Variants in PAPPA2 observed in about 807,000 individuals in gnomAD.
PAPPA2 encodes pappalysin-2.
A neutral mutation model predicts 176.4 loss-of-function variants in PAPPA2; 86 were observed. The ratio of observed to expected loss-of-function variants is 0.49; its 90% CI spans 0.41 to 0.58. PAPPA2 has a LOEUF of 0.58. Among genes scored for constraint, PAPPA2 ranks in the 20% least tolerant of loss-of-function variants. The pLI, the probability that PAPPA2 is intolerant of heterozygous loss-of-function variation, is 0.00. For missense variants in PAPPA2, 2,073 were observed against 2,256.9 expected (o/e 0.92, Z 1.65); for synonymous variants, 809 against 852.2 (o/e 0.95, Z 0.88).
intron 3 of PAPPA2, among the ~76,000 whole-genome samples, chr1:176,668,151 G>C (rs1057410372): frequency 3.9e-5 from 6 of 152,178 alleles, no homozygotes; most frequent in Non-Finnish European, 7.4e-5. Context: ...CAATGGGGCA[G>C]AACAGCTTGA....
At chr1:176,536,547 G>C (rs903511481) in intron 1 of PAPPA2, among the ~76,000 whole-genome samples, 2 of 152,172 alleles carry the variant, frequency 1.3e-5, no homozygotes, top group African/African-American at 2.4e-5. Flanking sequence ...GCTGATCTAG[G>C]TTAGATTTGG....
chr1:176,731,655 ATG>A (rs778351283), intron 12 of PAPPA2, among the ~76,000 whole-genome samples: 110 of 151,524 alleles, frequency 7.3e-4, no homozygotes, highest in Middle Eastern at 7.0e-3. Flanking sequence ...ATATATACAT[ATG>A]TGTGTGTGTA....
intron 17 of PAPPA2, among the ~76,000 whole-genome samples, chr1:176,777,310 G>T (rs1433959648): frequency 6.6e-6 from 1 of 152,160 alleles, no homozygotes; most frequent in African/African-American, 2.4e-5. Context: ...CACTGTTAGA[G>T]TAATACTTGG....
chr1:176,703,994 T>G (rs201724268), intron 9 of PAPPA2, among the ~76,000 whole-genome samples: 1 of 147,338 alleles, frequency 6.8e-6, no homozygotes, highest in South Asian at 2.2e-4. Flanking sequence ...CTGGGGGGGG[T>G]GGGTGACCAC....
At chr1:176,467,450 T>C (rs142488911) in intron 1 of PAPPA2, among the ~76,000 whole-genome samples, 4 of 152,236 alleles carry the variant, frequency 2.6e-5, no homozygotes, top group Non-Finnish European at 4.4e-5. Context: ...TTGTGGGAGG[T>C]CAGCTTCAGC....
chr1:176,524,869 C>CA lies in PAPPA2; in HGVS notation c.-916-30530dup, dbSNP rs111762279. On this transcript the variant is annotated intron_variant, in intron 1 of 22. Transcript: ENST00000367662. ...AAACCCCGTCTCTACTAAAAAAATA[C>CA]AAAAAAAACAAAATAAAATAAAATT... Among the ~76,000 whole-genome samples the CA allele has an allele frequency of 2.5e-3, 376 of 151,664 alleles. 1 individual carries two copies. The highest frequency in any genetic ancestry group is 0.01 in the East Asian group (53 of 5,160).
chr1:176,802,572 C>T (rs1010167728), intron 21 of PAPPA2, among the ~76,000 whole-genome samples: 1 of 152,110 alleles, frequency 6.6e-6, no homozygotes, highest in Non-Finnish European at 1.5e-5. Context: ...TTTAAAAGTG[C>T]AGCACAGAAA....
intron 3 of PAPPA2, among the ~76,000 whole-genome samples, chr1:176,605,785 C>T (rs535661066): frequency 6.6e-6 from 1 of 152,206 alleles, no homozygotes; most frequent in Non-Finnish European, 1.5e-5. Context: ...CTCCTCAGAG[C>T]TCCAGGTCTG....
intron 15 of PAPPA2, among the ~76,000 whole-genome samples, chr1:176,767,544 C>T (rs566265259): frequency 6.6e-6 from 1 of 152,302 alleles, no homozygotes; most frequent in South Asian, 2.1e-4. Flanking sequence ...GACGGGGTTT[C>T]ACCATGTCAG....
intron 19 of PAPPA2, among the ~76,000 whole-genome samples, chr1:176,792,600 G>T (rs1665230366): frequency 6.6e-6 from 1 of 152,080 alleles, no homozygotes. Context: ...TGTTTTAAAA[G>T]TCACTGAACC....
At chr1:176,649,497 G>T (rs771842431) in intron 3 of PAPPA2, among the ~76,000 whole-genome samples, 12 of 150,782 alleles carry the variant, frequency 8.0e-5, no homozygotes, top group Non-Finnish European at 1.3e-4. Flanking sequence ...GTTCCTTGAG[G>T]TGCACCATTA....
intron 3 of PAPPA2, among the ~76,000 whole-genome samples, 165 bp downstream of exon 3, chr1:176,595,760 G>C (rs1653944417): frequency 6.6e-6 from 1 of 152,184 alleles, no homozygotes; most frequent in South Asian, 2.1e-4. Context: ...TGTTCTGTTA[G>C]GTAATTAGGG....
At chr1:176,485,303 C>T (rs753809460) in intron 1 of PAPPA2, among the ~76,000 whole-genome samples, 13 of 152,128 alleles carry the variant, frequency 8.5e-5, no homozygotes, top group Non-Finnish European at 1.3e-4. Flanking sequence ...TGATGTGTCT[C>T]CCCATTACGT....
In PAPPA2 at chr1:176,485,565, C is replaced by T. The variant is rs190675177; in HGVS notation, c.-917+22147C>T. Among the ~76,000 whole-genome samples the T allele has an allele frequency of 3.3e-5, 5 of 152,204 alleles. No homozygotes were observed. The East Asian group carries it at 9.6e-4, about 29-fold the overall frequency. On this transcript the variant is annotated intron_variant, in intron 1 of 22. Transcript: ENST00000367662. ...AAGAATTGTTCACCGACTTTATTTT[C>T]TTCATAGCACTTACCACTCCTGGCA...
intron 6 of PAPPA2, 74 bp from the exon 7 acceptor site, chr1:176,695,664 C>T: frequency 6.5e-7 from 1 of 1,540,934 alleles, no homozygotes; most frequent in Non-Finnish European, 8.9e-7. Context: ...ACACAAAGGT[C>T]TTTCTAATTT....
chr1:176,683,640 T>C (rs552341140), intron 4 of PAPPA2, among the ~76,000 whole-genome samples: 1 of 152,160 alleles, frequency 6.6e-6, no homozygotes, highest in South Asian at 2.1e-4. Flanking sequence ...GGGAAAATGA[T>C]CCATTTTTGT....
intron 3 of PAPPA2, among the ~76,000 whole-genome samples, chr1:176,653,893 G>A (rs1481612882): frequency 6.6e-6 from 1 of 151,658 alleles, no homozygotes; most frequent in Non-Finnish European, 1.5e-5. Context: ...TTCTCCCTTG[G>A]CTTTGGAGAT....
At chr1:176,564,635 T>G (rs1651853679) in intron 2 of PAPPA2, among the ~76,000 whole-genome samples, 1 of 152,154 alleles carries the variant, frequency 6.6e-6, no homozygotes, top group African/African-American at 2.4e-5. Context: ...AAACAGAACT[T>G]CCCAGATATT....
intron 4 of PAPPA2, among the ~76,000 whole-genome samples, chr1:176,682,197 A>G (rs1036194662): frequency 4.6e-5 from 7 of 152,208 alleles, no homozygotes; most frequent in African/African-American, 1.7e-4. Flanking sequence ...GGTAACGTCA[A>G]CCAGATTGTT....
Sources: allele counts gnomAD v4.1 joint callset (sites outside exome capture counted in the v4.1 genomes callset), GRCh38; gene constraint gnomAD v4.1.1; transcripts MANE v1.5; gene names NCBI Gene and HGNC (gene_info 2026-07-23, HGNC 2026-07-21).